DACH1: variants seen among roughly 807,000 people sequenced by gnomAD.
DACH1 encodes the protein dachshund family transcription factor 1, also known as dachshund homolog 1.
In DACH1, 12 loss-of-function variants were observed where a neutral mutation model predicts 54.2. The observed-to-expected ratio is 0.22, with a 90% CI of 0.14 to 0.36. The LOEUF is 0.36. Among genes scored for constraint, DACH1 ranks in the 10% least tolerant of loss-of-function variants. The pLI, the probability that DACH1 is intolerant of heterozygous loss-of-function variation, is 1.00. For synonymous variants in DACH1, 386 were observed against 366.2 expected, an observed-to-expected ratio of 1.05 and a Z score of -0.62; for missense variants, 805 against 929.8, an observed-to-expected ratio of 0.87 and a Z score of 1.75.
chr13:71,689,314 T>G (rs1404479268), intron 1 of DACH1, among the ~76,000 whole-genome samples: 1 of 152,130 alleles, frequency 6.6e-6, no homozygotes, highest in Non-Finnish European at 1.5e-5. Context: ...TACCATTATC[T>G]ATTAATATTA....
intron 1 of DACH1, among the ~76,000 whole-genome samples, chr13:71,775,127 C>CTTTTTTTT (rs767902341): frequency 0.024 from 1,316 of 54,012 alleles, 235 homozygotes; most frequent in African/African-American, 0.036. Flanking sequence ...TCAACACAAG[C>CTTTTTTTT]TTTTTTTTTT....
At chr13:71,862,068 G>GT (rs971029700) in intron 1 of DACH1, among the ~76,000 whole-genome samples, 7 of 151,874 alleles carry the variant, frequency 4.6e-5, no homozygotes, top group Admixed American at 2.6e-4. Flanking sequence ...GTGAATATAT[G>GT]TATGTGCCTA....
intron 2 of DACH1, among the ~76,000 whole-genome samples, chr13:71,678,941 T>C (rs1278166878): frequency 6.6e-6 from 1 of 152,214 alleles, no homozygotes; most frequent in Non-Finnish European, 1.5e-5. Flanking sequence ...ATTGTAGGCC[T>C]GAACCCCGGG....
intron 10 of DACH1, among the ~76,000 whole-genome samples, chr13:71,450,428 T>A (rs1031868300): frequency 6.6e-6 from 1 of 152,136 alleles, no homozygotes; most frequent in Non-Finnish European, 1.5e-5. Flanking sequence ...TTAATAAATG[T>A]TGCGTGTGTT....
intron 2 of DACH1, among the ~76,000 whole-genome samples, chr13:71,653,589 C>T (rs1878832919): frequency 6.6e-6 from 1 of 152,108 alleles, no homozygotes; most frequent in African/African-American, 2.4e-5. Flanking sequence ...AAAGCTTTTC[C>T]TTACAGTGCT....
At chr13:71,810,267 T>A (rs1475247594) in intron 1 of DACH1, among the ~76,000 whole-genome samples, 1 of 152,160 alleles carries the variant, frequency 6.6e-6, no homozygotes, top group Non-Finnish European at 1.5e-5. Flanking sequence ...TTAAATAGCA[T>A]GAATGAGGCC....
intron 10 of DACH1, 27 bp downstream of exon 10, chr13:71,475,113 AG>A (rs1566281153): frequency 6.2e-7 from 1 of 1,604,860 alleles, no homozygotes; most frequent in Non-Finnish European, 8.5e-7. Context: ...AGCAAGATCT[AG>A]ATTTATAGCC....
rs140875760 is a variant in DACH1 at position 71,511,162 on chromosome 13, C to T, written c.1571-22014G>A. 1.9e-3 allele frequency among the ~76,000 whole-genome samples: 289 copies of T among 152,082 alleles called. 1 individual carries two copies. Among genetic ancestry groups the T allele is most frequent in the African/African-American group, 6.6e-3 (275 of 41,510 alleles). On this transcript the variant is annotated intron_variant, in intron 6 of 10. Coordinates refer to ENST00000613252, the MANE Select transcript of DACH1 (RefSeq NM_080759.6). ...ATTACACATCCCAATCCATATTTTA[C>T]AGAGTAGACACATGACACGCATGTG...
chr13:71,493,164 G>A (rs1306608690), intron 6 of DACH1, among the ~76,000 whole-genome samples: 1 of 151,912 alleles, frequency 6.6e-6, no homozygotes, highest in African/African-American at 2.4e-5. Context: ...ACAAACATGA[G>A]ATGTCACTTC....
intron 1 of DACH1, among the ~76,000 whole-genome samples, chr13:71,813,194 A>G (rs2138156521): frequency 6.6e-6 from 1 of 152,288 alleles, no homozygotes; most frequent in South Asian, 2.1e-4. Flanking sequence ...AAGTAACCCA[A>G]GTTTACTATT....
chr13:71,677,886 A>C (rs752536864), intron 2 of DACH1, among the ~76,000 whole-genome samples: 30 of 151,890 alleles, frequency 2.0e-4, no homozygotes, highest in Non-Finnish European at 4.0e-4. Context: ...TGTCCAGCTA[A>C]TTTTTGTATT....
intron 6 of DACH1, among the ~76,000 whole-genome samples, chr13:71,544,386 C>T (rs1024274154): frequency 1.3e-5 from 2 of 152,138 alleles, no homozygotes; most frequent in African/African-American, 2.4e-5. Context: ...GAAAATACAA[C>T]AATGTCCTAC....
intron 1 of DACH1, among the ~76,000 whole-genome samples, chr13:71,724,497 A>T (rs566828032): frequency 7.2e-5 from 11 of 152,284 alleles, no homozygotes; most frequent in African/African-American, 2.6e-4. Context: ...GATCATCAAC[A>T]TTTGCCTAAA....
chr13:71,749,506 G>A (rs914591542), intron 1 of DACH1, among the ~76,000 whole-genome samples: 9 of 152,060 alleles, frequency 5.9e-5, no homozygotes, highest in African/African-American at 9.6e-5. Context: ...GGATAATGCC[G>A]CAAATCCCAG....
intron 1 of DACH1, among the ~76,000 whole-genome samples, chr13:71,696,110 A>C (rs997407981): frequency 2.6e-5 from 4 of 152,096 alleles, no homozygotes; most frequent in African/African-American, 9.7e-5. Context: ...TCTGGGCTAT[A>C]CTCATTGCCT....
chr13:71,767,581 G>GC (rs531472395), intron 1 of DACH1, among the ~76,000 whole-genome samples: 1 of 150,092 alleles, frequency 6.7e-6, no homozygotes, highest in Non-Finnish European at 1.5e-5. Flanking sequence ...TTCAAACAAT[G>GC]CCCCCCCAAG....
chr13:71,751,893 C>T (rs1884944304), intron 1 of DACH1, among the ~76,000 whole-genome samples: 1 of 152,054 alleles, frequency 6.6e-6, no homozygotes, highest in African/African-American at 2.4e-5. Context: ...TGCTTTGCTA[C>T]TTATTTAAAA....
intron 10 of DACH1, among the ~76,000 whole-genome samples, chr13:71,449,189 G>A (rs1019193095): frequency 6.6e-6 from 1 of 152,100 alleles, no homozygotes; most frequent in Non-Finnish European, 1.5e-5. Context: ...AGCGGGGCGT[G>A]GTGGCACATG....
intron 10 of DACH1, among the ~76,000 whole-genome samples, chr13:71,455,482 A>G (rs578187111): frequency 6.6e-6 from 1 of 152,308 alleles, no homozygotes; most frequent in East Asian, 1.9e-4. Flanking sequence ...ATTTTCCTTA[A>G]AGAGCAATAT....
Sources: gnomAD v4.1 joint callset for allele counts (sites outside exome capture counted in the v4.1 genomes callset) on GRCh38, gnomAD v4.1.1 for gene constraint, MANE v1.5 for transcripts, NCBI Gene and HGNC (gene_info 2026-07-23, HGNC 2026-07-21) for gene names.